CADM2: variants seen among roughly 807,000 people sequenced by gnomAD.
The protein encoded by CADM2 is cell adhesion molecule 2.
Under a neutral mutation model 49.8 loss-of-function variants are expected in CADM2, and 12 were observed. That is an observed-to-expected ratio of 0.24 (90% confidence interval 0.15 to 0.39). The LOEUF (loss-of-function observed/expected upper bound fraction) is 0.39, where lower values mean the gene tolerates loss of function less well. Ranked by LOEUF, CADM2 falls within the 10% of genes least tolerant of loss-of-function variation. CADM2 has a pLI of 1.00. For missense variants in CADM2, 378 were observed against 492.3 expected, an observed-to-expected ratio of 0.77 and a Z score of 2.20; for synonymous variants, 214 against 175.4, an observed-to-expected ratio of 1.22 and a Z score of -1.74.
intron 1 of CADM2, among the ~76,000 whole-genome samples, chr3:85,134,226 TC>T (rs1183766164): frequency 6.6e-6 from 1 of 152,186 alleles, no homozygotes; most frequent in East Asian, 1.9e-4. Flanking sequence ...CAGCCCCGGT[TC>T]CCGCTCGCGC....
chr3:85,828,606 C>T (rs1358770107), intron 3 of CADM2, among the ~76,000 whole-genome samples: 1 of 151,888 alleles, frequency 6.6e-6, no homozygotes, highest in African/African-American at 2.4e-5. Flanking sequence ...CTATGCCTCT[C>T]CTGTTTTCAT....
chr3:85,492,973 C>T (rs1354231672), intron 1 of CADM2, among the ~76,000 whole-genome samples: 1 of 151,976 alleles, frequency 6.6e-6, no homozygotes, highest in African/African-American at 2.4e-5. Context: ...ATTAAGTAAT[C>T]AAGGGGGATC....
chr3:85,944,364 G>A (rs185894267), intron 7 of CADM2, among the ~76,000 whole-genome samples: 112 of 152,020 alleles, frequency 7.4e-4, no homozygotes, highest in Non-Finnish European at 1.3e-3. Flanking sequence ...ACAGATCAAC[G>A]AAACAGAAAG....
At chr3:85,843,622 C>G (rs2108269729) in intron 3 of CADM2, among the ~76,000 whole-genome samples, 1 of 152,142 alleles carries the variant, frequency 6.6e-6, no homozygotes, top group South Asian at 2.1e-4. Context: ...ATTCAATATT[C>G]TCTCATCACT....
intron 1 of CADM2, among the ~76,000 whole-genome samples, chr3:85,419,204 C>T (rs1405525341): frequency 6.6e-6 from 1 of 152,114 alleles, no homozygotes; most frequent in African/African-American, 2.4e-5. Flanking sequence ...GCCTGTAATC[C>T]CAGCACTTTG....
chr3:85,756,479 T>G (rs1484616908), intron 2 of CADM2, among the ~76,000 whole-genome samples: 1 of 152,180 alleles, frequency 6.6e-6, no homozygotes, highest in Non-Finnish European at 1.5e-5. Context: ...TAATTAAATT[T>G]TATTTGACAT....
In CADM2 at chr3:85,091,617, G is replaced by A. The variant is rs185403999; in HGVS notation, c.61+131949G>A. ...TACTGAAAATAAACTTATTAAAACT[G>A]AGCTGAACTAAGTTTCTTAAATATT... On this transcript the variant is annotated intron_variant, in intron 1 of 9. Coordinates refer to ENST00000383699, the MANE Select transcript of CADM2 (RefSeq NM_001167675.2). 1.2e-4 allele frequency among the ~76,000 whole-genome samples: 18 copies of A among 152,034 alleles called. 1 individual carries two copies. The highest frequency in any genetic ancestry group is 4.3e-4 in the African/African-American group (18 of 41,522).
At chr3:85,311,313 C>T (rs2044336355) in intron 1 of CADM2, among the ~76,000 whole-genome samples, 1 of 151,106 alleles carries the variant, frequency 6.6e-6, no homozygotes, top group Non-Finnish European at 1.5e-5. Context: ...AACATGCATA[C>T]TTTTGTTTGG....
chr3:85,006,426 A>T (rs1428252632), intron 1 of CADM2, among the ~76,000 whole-genome samples: 1 of 152,160 alleles, frequency 6.6e-6, no homozygotes, highest in Non-Finnish European at 1.5e-5. Context: ...GAAATAAATA[A>T]ATAAATAAAT....
intron 1 of CADM2, among the ~76,000 whole-genome samples, chr3:85,298,669 T>G (rs542696226): frequency 3.2e-4 from 49 of 152,230 alleles, no homozygotes; most frequent in Middle Eastern, 3.4e-3. Flanking sequence ...AGAAAATGTT[T>G]GTTGAATAAG....
chr3:85,516,963 G>C (rs1559881731), intron 1 of CADM2, among the ~76,000 whole-genome samples: 1 of 151,606 alleles, frequency 6.6e-6, no homozygotes, highest in African/African-American at 2.4e-5. Flanking sequence ...CAGAATACCT[G>C]TTTTCTATTG....
At chr3:85,881,396 T>C (rs961401369) in intron 3 of CADM2, among the ~76,000 whole-genome samples, 5 of 152,172 alleles carry the variant, frequency 3.3e-5, no homozygotes, top group African/African-American at 9.6e-5. Flanking sequence ...AGGCATCTTT[T>C]ATTTTTTCTC....
intron 8 of CADM2, among the ~76,000 whole-genome samples, chr3:86,010,240 C>G (rs550318117): frequency 3.3e-4 from 50 of 151,876 alleles, no homozygotes; most frequent in African/African-American, 1.2e-3. Context: ...TGAAGAATAA[C>G]AAAAATAAAG....
At chr3:84,986,308 G>C (rs73137671) in intron 1 of CADM2, among the ~76,000 whole-genome samples, 7,101 of 152,142 alleles carry the variant, frequency 0.047, 214 homozygotes, top group Admixed American at 0.089. Context: ...TTTAGCGATT[G>C]ACACTTTTGT....
intron 1 of CADM2, among the ~76,000 whole-genome samples, chr3:85,533,169 A>G (rs377562315): frequency 1.3e-5 from 2 of 152,204 alleles, no homozygotes; most frequent in South Asian, 2.1e-4. Context: ...GCTAAAGACA[A>G]CATGAAAATC....
chr3:85,200,846 T>C (rs2107745345), intron 1 of CADM2, among the ~76,000 whole-genome samples: 1 of 152,298 alleles, frequency 6.6e-6, no homozygotes, highest in African/African-American at 2.4e-5. Flanking sequence ...TAGCAACTTT[T>C]ATTAGATAGA....
chr3:85,550,262 C>T (rs148352701), intron 1 of CADM2, among the ~76,000 whole-genome samples: 1,656 of 152,288 alleles, frequency 0.011, 16 homozygotes, highest in Non-Finnish European at 0.017. Flanking sequence ...ATTTTAAATT[C>T]AAGGACAGTA....
chr3:85,625,055 A>G (rs377217088), intron 1 of CADM2, among the ~76,000 whole-genome samples: 1 of 152,136 alleles, frequency 6.6e-6, no homozygotes, highest in African/African-American at 2.4e-5. Context: ...TCTCCTCACA[A>G]AATTTATCTG....
intron 1 of CADM2, among the ~76,000 whole-genome samples, chr3:85,480,204 A>G (rs2107625226): frequency 6.6e-6 from 1 of 152,014 alleles, no homozygotes; most frequent in South Asian, 2.1e-4. Context: ...TACATTTTTC[A>G]CAAAATAGGT....
Sources: gnomAD v4.1 joint callset for allele counts (sites outside exome capture counted in the v4.1 genomes callset) on GRCh38, gnomAD v4.1.1 for gene constraint, MANE v1.5 for transcripts, NCBI Gene and HGNC (gene_info 2026-07-23, HGNC 2026-07-21) for gene names.